The following NFAT5 variants were observed in gnomAD, a reference collection of about 807,000 sequenced individuals.
The protein encoded by NFAT5 is nuclear factor of activated T cells 5, also known as nuclear factor of activated T-cells 5.
A neutral mutation model predicts 166.5 loss-of-function variants in NFAT5; 31 were observed. That is an observed-to-expected ratio of 0.19 (90% CI 0.14 to 0.25). The LOEUF (loss-of-function observed/expected upper bound fraction) is 0.25, where lower values mean the gene tolerates loss of function less well. Among genes scored for constraint, NFAT5 ranks in the 10% least tolerant of loss-of-function variants. The pLI is 1.00. For synonymous variants in NFAT5, 612 were observed against 639.7 expected (o/e 0.96, Z 0.65); for missense variants, 1,449 against 1,821.8 (o/e 0.80, Z 3.72).
At position 69,655,924 on chromosome 16, in the gene NFAT5, A is replaced by T. The variant is rs554096551; in HGVS notation, c.1196+125A>T. The T allele has an allele frequency of 1.4e-5, 9 of 664,224 alleles. No individual in the cohort carries two copies. In the South Asian group the frequency reaches 2.0e-4, roughly 15 times the overall value. 41.1% of individuals were successfully genotyped at this position (664,224 alleles called of 1,614,324 possible). A position where few individuals can be genotyped will look rare whatever the true frequency, so the allele number is the denominator to read the frequency against. On this transcript the variant is annotated intron_variant, in intron 6 of 14. Transcript: ENST00000349945. ...AAAATGTTTTAAATATTATGAATAA[A>T]AAAAGACATTACTTCAGAATGGTAA...
At chr16:69,632,696 C>T (rs187999708) in intron 3 of NFAT5, 1 of 151,984 alleles carries the variant, frequency 6.6e-6, no homozygotes, top group African/African-American at 2.4e-5. Context: ...GATTGCTTTC[C>T]TGGGTTAACA....
intron 4 of NFAT5, among the ~76,000 whole-genome samples, chr16:69,651,093 G>A (rs2035646743): frequency 6.6e-6 from 1 of 152,140 alleles, no homozygotes; most frequent in Non-Finnish European, 1.5e-5. Context: ...TTACACGAAT[G>A]GCATTCCTTG....
At chr16:69,608,441 C>G (rs763324661) in intron 2 of NFAT5, among the ~76,000 whole-genome samples, 1 of 151,824 alleles carries the variant, frequency 6.6e-6, no homozygotes, top group Non-Finnish European at 1.5e-5. Context: ...AGCTCTACCA[C>G]TTCAACTTAA....
chr16:69,623,853 GAA>G (rs79354297), intron 2 of NFAT5, among the ~76,000 whole-genome samples: 59,674 of 117,072 alleles, frequency 0.51, 14,317 homozygotes, highest in East Asian at 0.81. Flanking sequence ...AAGGAAATTT[GAA>G]AAAAAAAAAA....
chr16:69,692,400 G>A lies in NFAT5; in HGVS notation c.2575G>A (p.Val859Ile). 6.2e-7 allele frequency: 1 copy of A among 1,614,196 alleles called. No individual in the cohort carries two copies. Among genetic ancestry groups the A allele is most frequent in the Non-Finnish European group, 8.5e-7 (1 of 1,180,036 alleles). Residue 859 changes from valine to isoleucine, a missense_variant, in exon 13 of 15, where the codon GTA (valine) becomes ATA (isoleucine). Coordinates refer to ENST00000349945, the MANE Select transcript of NFAT5 (RefSeq NM_138713.4). ...ACAAGTCAGTCAAATTCAGAGTGGTGTAAGCCCTGGAATGTTTTCCTCAAC... is the reference window on the plus strand; with the variant it reads ...ACAAGTCAGTCAAATTCAGAGTGGTATAAGCCCTGGAATGTTTTCCTCAAC... ...FQQVSQIQSG[V>I]SPGMFSSTEP...
intron 9 of NFAT5, among the ~76,000 whole-genome samples, chr16:69,674,371 C>G (rs887706219): frequency 4.6e-5 from 7 of 151,416 alleles, no homozygotes; most frequent in African/African-American, 1.7e-4. Context: ...TCATGTATAC[C>G]AAATATGATG....
rs186509424 is a variant in NFAT5 at position 69,694,498 on chromosome 16, G to A, written c.4414+259G>A. ...TTGAATTTTTGACCTCAAGTGATCC[G>A]CTGGCCTCGGCCTCCCAAAGTGCTG... On this transcript the variant is annotated intron_variant, in intron 13 of 14. Coordinates refer to ENST00000349945, the MANE Select transcript of NFAT5 (RefSeq NM_138713.4). Among the ~76,000 whole-genome samples the A allele has an allele frequency of 2.9e-3, 441 of 152,144 alleles. 8 individuals are homozygous for A. Among genetic ancestry groups the A allele is most frequent in the Admixed American group, 0.026 (403 of 15,290 alleles).
chr16:69,693,098 T>C lies in NFAT5; in HGVS notation c.3273T>C (p.His1091=). ...QSSHSQAQLF[H]PQNPIADAQN... ...CTCATTCACAGGCCCAACTTTTTCA[T>C]CCTCAAAATCCTATTGCCGATGCTC... is the stretch of plus-strand genomic sequence containing the variant. Residue 1091 remains histidine (H), a synonymous_variant, in exon 13 of 15, where the codon CAT becomes CAC. Transcript: ENST00000349945. 5 of 1,614,152 alleles carry C rather than the reference T, an allele frequency of 3.1e-6. No homozygotes were observed. Among genetic ancestry groups the C allele is most frequent in the Non-Finnish European group, 3.4e-6 (4 of 1,180,018 alleles).
intron 2 of NFAT5, among the ~76,000 whole-genome samples, chr16:69,612,157 A>G (rs1354353654): frequency 6.6e-6 from 1 of 152,226 alleles, no homozygotes; most frequent in Non-Finnish European, 1.5e-5. Context: ...ATTATTATCC[A>G]GTAGCTTTCC....
In NFAT5 at chr16:69,641,039, A is replaced by T. The variant is rs1393509624; in HGVS notation, c.254-5989A>T. 3.2e-4 allele frequency among the ~76,000 whole-genome samples: 49 copies of T among 151,630 alleles called. 1 individual carries two copies. Among genetic ancestry groups the T allele is most frequent in the Admixed American group, 3.2e-3 (49 of 15,206 alleles). ...TCACACCTGTAATCCCAGCACTTTG[A>T]GAGGCCAAAGTGGGCAGAACACAAG... On this transcript the variant is annotated intron_variant, in intron 3 of 14. Coordinates refer to ENST00000349945, the MANE Select transcript of NFAT5 (RefSeq NM_138713.4).
chr16:69,615,858 G>A (rs1451490829), intron 2 of NFAT5, among the ~76,000 whole-genome samples: 2 of 151,940 alleles, frequency 1.3e-5, no homozygotes, highest in East Asian at 1.9e-4. Context: ...TACCCAACTT[G>A]GCCTCTCATA....
In NFAT5 at chr16:69,703,585, A is replaced by G. The variant is rs2037933949; in HGVS notation, c.*7234A>G. On this transcript the variant is annotated 3_prime_UTR_variant, in exon 15 of 15. Transcript: ENST00000349945. Reference sequence around the variant, plus strand: ...TAACTCGTGAAAGAAAAATTCACATATCAGAATAAAAATAAATGTATACTC... The same window carrying G: ...TAACTCGTGAAAGAAAAATTCACATGTCAGAATAAAAATAAATGTATACTC... The G allele has an allele frequency of 6.6e-6, 1 of 152,632 alleles. No individual in the cohort carries two copies. Among genetic ancestry groups the G allele is most frequent in the Admixed American group, 6.6e-5 (1 of 15,264 alleles). The allele number at this position is 152,632 out of a possible 1,614,324, so 9.5% of individuals were successfully genotyped here. A position where few individuals can be genotyped will look rare whatever the true frequency, so the allele number is the denominator to read the frequency against.
At chr16:69,598,057 AT>A (rs1345190169) in intron 2 of NFAT5, among the ~76,000 whole-genome samples, 3 of 152,000 alleles carry the variant, frequency 2.0e-5, no homozygotes, top group Non-Finnish European at 2.9e-5. Context: ...TATTGGTTTA[AT>A]TTTTACATGT....
At chr16:69,675,176 C>T (rs2036782689) in intron 9 of NFAT5, among the ~76,000 whole-genome samples, 1 of 152,152 alleles carries the variant, frequency 6.6e-6, no homozygotes, top group African/African-American at 2.4e-5. Flanking sequence ...AATGTGCTCT[C>T]CAAAGCAAGT....
chr16:69,671,658 T>C (rs1197124605), intron 9 of NFAT5, among the ~76,000 whole-genome samples: 1 of 152,198 alleles, frequency 6.6e-6, no homozygotes, highest in African/African-American at 2.4e-5. Flanking sequence ...TGTGAACCAC[T>C]GTGCCTGGCC....
At chr16:69,619,890 G>T (rs1474551076) in intron 2 of NFAT5, among the ~76,000 whole-genome samples, 3 of 152,170 alleles carry the variant, frequency 2.0e-5, no homozygotes, top group Non-Finnish European at 4.4e-5. Flanking sequence ...TCACTGTCCT[G>T]TGCCTCAGAA....
intron 7 of NFAT5, among the ~76,000 whole-genome samples, chr16:69,668,187 A>G (rs753298711): frequency 2.0e-5 from 3 of 151,726 alleles, no homozygotes; most frequent in Non-Finnish European, 1.5e-5. Context: ...AGGCTGACCA[A>G]CTTGAACTCC....
chr16:69,703,634 G>A lies in NFAT5; in HGVS notation c.*7283G>A, dbSNP rs1204470406. On this transcript the variant is annotated 3_prime_UTR_variant, in exon 15 of 15. Coordinates refer to ENST00000349945, the MANE Select transcript of NFAT5 (RefSeq NM_138713.4). ...TCACTTTATAAAAATCACCACTGCT[G>A]TCTTTCCTTAATACTAGCAGTGGAA... is the stretch of plus-strand genomic sequence containing the variant. 1.3e-5 allele frequency: 2 copies of A among 152,614 alleles called. No homozygotes were observed. The highest frequency in any genetic ancestry group is 4.8e-5 in the African/African-American group (2 of 41,454). The allele number at this position is 152,614 out of a possible 1,614,324, so 9.5% of individuals were successfully genotyped here.
chr16:69,568,364 GTGTGTGTGTGTGTA>G (rs1567505432), intron 1 of NFAT5, 117 bp from the exon 2 acceptor site: 4 of 374,140 alleles, frequency 1.1e-5, no homozygotes, highest in East Asian at 5.3e-5. Flanking sequence ...GTGTGTGTGT[GTGTGTGTGTGTGTA>G]TATATATATA....
Sources: allele counts gnomAD v4.1 joint callset (sites outside exome capture counted in the v4.1 genomes callset), GRCh38; gene constraint gnomAD v4.1.1; transcripts MANE v1.5; gene names NCBI Gene and HGNC (gene_info 2026-07-23, HGNC 2026-07-21).